Variants in RAB6B observed in about 807,000 individuals in gnomAD.
RAB6B encodes ras-related protein Rab-6B.
A neutral mutation model predicts 31.2 loss-of-function variants in RAB6B; 7 were observed. The observed-to-expected ratio is 0.22, with a 90% CI of 0.13 to 0.42. The LOEUF (loss-of-function observed/expected upper bound fraction) is 0.42. Among genes scored for constraint, RAB6B ranks in the 10% least tolerant of loss-of-function variants. RAB6B has a pLI of 1.00. For missense variants in RAB6B, 149 were observed against 280.6 expected, an observed-to-expected ratio of 0.53 and a Z score of 3.35; for synonymous variants, 105 against 104.9, an observed-to-expected ratio of 1.00 and a Z score of -0.01.
chr3:133,872,697 C>T (rs1936343061), intron 1 of RAB6B, among the ~76,000 whole-genome samples: 1 of 152,254 alleles, frequency 6.6e-6, no homozygotes, highest in Admixed American at 6.5e-5. Flanking sequence ...CCCTGAGGGG[C>T]TGGCTGGCTC....
At chr3:133,841,904 A>AG (rs1935841265) in intron 2 of RAB6B, among the ~76,000 whole-genome samples, 1 of 152,156 alleles carries the variant, frequency 6.6e-6, no homozygotes, top group African/African-American at 2.4e-5. Context: ...GGAGAGGGCA[A>AG]GTGCTTCAGA....
chr3:133,840,705 C>T (rs1012558723), intron 4 of RAB6B, among the ~76,000 whole-genome samples: 1 of 152,142 alleles, frequency 6.6e-6, no homozygotes, highest in African/African-American at 2.4e-5. Context: ...CTGCCTCGGC[C>T]CCCCACCCCC....
At chr3:133,843,736 G>A (rs572066223) in intron 2 of RAB6B, among the ~76,000 whole-genome samples, 1 of 152,180 alleles carries the variant, frequency 6.6e-6, no homozygotes, top group African/African-American at 2.4e-5. Flanking sequence ...CTGGTTAATG[G>A]GATGTGAACG....
intron 1 of RAB6B, among the ~76,000 whole-genome samples, chr3:133,889,442 A>ATATT (rs1559915529): frequency 1.0e-4 from 9 of 87,848 alleles, no homozygotes; most frequent in South Asian, 3.8e-4. Context: ...ATATATATAT[A>ATATT]TATTTATTTT....
intron 1 of RAB6B, among the ~76,000 whole-genome samples, chr3:133,870,366 G>A (rs550849061): frequency 6.6e-6 from 1 of 152,278 alleles, no homozygotes; most frequent in East Asian, 1.9e-4. Context: ...GGGGATCATG[G>A]GGATTACAAT....
At chr3:133,856,933 C>T (rs1176478287) in intron 2 of RAB6B, among the ~76,000 whole-genome samples, 1 of 152,146 alleles carries the variant, frequency 6.6e-6, no homozygotes, top group African/African-American at 2.4e-5. Flanking sequence ...AAAAATGAAA[C>T]TCTACTCTAT....
intron 1 of RAB6B, among the ~76,000 whole-genome samples, chr3:133,889,209 G>C (rs1418265395): frequency 6.6e-6 from 1 of 151,710 alleles, no homozygotes; most frequent in African/African-American, 2.4e-5. Context: ...AACAATGGAC[G>C]ACTTGGGTGG....
At chr3:133,831,729 C>T (rs1020292088) in intron 7 of RAB6B, among the ~76,000 whole-genome samples, 2 of 152,314 alleles carry the variant, frequency 1.3e-5, no homozygotes, top group South Asian at 4.1e-4. Context: ...TGTGCCTTTC[C>T]GGCAGGCATG....
intron 1 of RAB6B, among the ~76,000 whole-genome samples, chr3:133,894,199 TGCAGAG>T (rs1188392089): frequency 2.0e-5 from 3 of 152,242 alleles, no homozygotes; most frequent in African/African-American, 7.2e-5. Context: ...AGGACTGGTC[TGCAGAG>T]GCAGAGCTGG....
rs1935585158 is a variant in RAB6B at position 133,827,570 on chromosome 3, G to A, written c.*1218C>T. Reference sequence around the variant, plus strand: ...GACCCCACCTGAACCACATCCTCAGGTGACCACAGCGCAGCCACAGTAGCC... The same window carrying A: ...GACCCCACCTGAACCACATCCTCAGATGACCACAGCGCAGCCACAGTAGCC... On this transcript the variant is annotated 3_prime_UTR_variant, in exon 8 of 8. Transcript: ENST00000285208. 3.4e-6 allele frequency: 1 copy of A among 298,426 alleles called. No homozygotes were observed. Among genetic ancestry groups the A allele is most frequent in the Non-Finnish European group, 6.3e-6 (1 of 159,986 alleles). The allele number at this position is 298,426 out of a possible 1,614,324, so 18.5% of individuals were successfully genotyped here.
intron 2 of RAB6B, among the ~76,000 whole-genome samples, chr3:133,855,497 T>G (rs944200232): frequency 1.3e-5 from 2 of 152,320 alleles, no homozygotes; most frequent in South Asian, 4.1e-4. Context: ...CCTTCAAATT[T>G]TAAATAAGGT....
chr3:133,854,821 G>A (rs774335404), intron 2 of RAB6B, among the ~76,000 whole-genome samples: 18 of 152,182 alleles, frequency 1.2e-4, no homozygotes, highest in Non-Finnish European at 2.4e-4. Context: ...GGAAAGAGAC[G>A]TTTCCTGAGG....
At chr3:133,850,195 G>T (rs74444026) in intron 2 of RAB6B, among the ~76,000 whole-genome samples, 1,712 of 152,236 alleles carry the variant, frequency 0.011, 33 homozygotes, top group African/African-American at 0.039. Context: ...CCTACCACGG[G>T]GGGGAGAATT....
At chr3:133,873,311 C>T (rs1936351199) in intron 1 of RAB6B, among the ~76,000 whole-genome samples, 4 of 152,220 alleles carry the variant, frequency 2.6e-5, no homozygotes, top group Admixed American at 2.6e-4. Flanking sequence ...TTGCTGGGGA[C>T]ATGACGGTCT....
At chr3:133,882,169 C>A (rs1335287216) in intron 1 of RAB6B, among the ~76,000 whole-genome samples, 1 of 152,208 alleles carries the variant, frequency 6.6e-6, no homozygotes, top group Non-Finnish European at 1.5e-5. Flanking sequence ...ACCCACATCC[C>A]TTGCCACGTG....
Position 133,827,932 on chromosome 3 carries a change from A to G in RAB6B, c.*856T>C, listed in dbSNP as rs565813130. On this transcript the variant is annotated 3_prime_UTR_variant, in exon 8 of 8. Transcript: ENST00000285208. ...GGTTAAAATATTTTCAGAAGTACACATGGCACCCCAGTCTATAAACCACGC... is the reference window on the plus strand; with the variant it reads ...GGTTAAAATATTTTCAGAAGTACACGTGGCACCCCAGTCTATAAACCACGC... 1.1e-4 allele frequency: 78 copies of G among 702,896 alleles called. No homozygotes were observed. The highest frequency in any genetic ancestry group is 9.6e-4 in the Admixed American group (48 of 50,012). 43.5% of individuals were successfully genotyped at this position (702,896 alleles called of 1,614,324 possible).
At chr3:133,884,685 G>A (rs111712324) in intron 1 of RAB6B, among the ~76,000 whole-genome samples, 12 of 152,138 alleles carry the variant, frequency 7.9e-5, no homozygotes, top group African/African-American at 2.2e-4. Context: ...ACCAGAGGAC[G>A]GGGGTGCTCA....
At chr3:133,852,101 A>G (rs565888532) in intron 2 of RAB6B, among the ~76,000 whole-genome samples, 1 of 152,368 alleles carries the variant, frequency 6.6e-6, no homozygotes, top group South Asian at 2.1e-4. Context: ...TGGGCTTACC[A>G]GCCAATACAA....
chr3:133,889,783 G>A (rs1263785813), intron 1 of RAB6B, among the ~76,000 whole-genome samples: 1 of 151,984 alleles, frequency 6.6e-6, no homozygotes, highest in Non-Finnish European at 1.5e-5. Flanking sequence ...TATAATCTGG[G>A]GGCTGCAAAT....
Sources: gnomAD v4.1 joint callset for allele counts (sites outside exome capture counted in the v4.1 genomes callset) on GRCh38, gnomAD v4.1.1 for gene constraint, MANE v1.5 for transcripts, NCBI Gene and HGNC (gene_info 2026-07-23, HGNC 2026-07-21) for gene names.